VSNL1: variants seen among roughly 807,000 people sequenced by gnomAD.
VSNL1 encodes the protein visinin-like protein 1.
A neutral mutation model predicts 20.4 loss-of-function variants in VSNL1; 6 were observed. The observed-to-expected ratio is 0.29, with a 90% CI of 0.16 to 0.58. VSNL1 has a LOEUF of 0.58. Ranked by LOEUF, VSNL1 falls within the 20% of genes least tolerant of loss-of-function variation. The pLI, the probability that VSNL1 is intolerant of heterozygous loss-of-function variation, is 0.90. For missense variants in VSNL1, 100 were observed against 234.5 expected (o/e 0.43, Z 3.75); for synonymous variants, 93 against 86.4 (o/e 1.08, Z -0.42).
In VSNL1 at chr2:17,634,320, C is replaced by T. The variant is rs1572213015; in HGVS notation, c.163-15090C>T. ...TTCTTAATAATTTTTAAAGAGGAAGCCCTACATTTTCCTTTTGCACTGAGC... is the reference window on the plus strand; with the variant it reads ...TTCTTAATAATTTTTAAAGAGGAAGTCCTACATTTTCCTTTTGCACTGAGC... On this transcript the variant is annotated intron_variant, in intron 2 of 3. Coordinates refer to ENST00000295156, the MANE Select transcript of VSNL1 (RefSeq NM_003385.5). The surrounding 1 kb of genome is among the most constrained non-coding windows in gnomAD (Gnocchi z 4.3). Among the ~76,000 whole-genome samples, 1 of 152,156 alleles carries T rather than the reference C, an allele frequency of 6.6e-6. No homozygotes were observed. The highest frequency in any genetic ancestry group is 1.9e-4 in the East Asian group (1 of 5,194).
At chr2:17,596,474 A>G (rs1292250442) in intron 2 of VSNL1, among the ~76,000 whole-genome samples, 3 of 152,212 alleles carry the variant, frequency 2.0e-5, no homozygotes, top group Non-Finnish European at 4.4e-5. Flanking sequence ...TAATGAGAAA[A>G]TCAACCCAGG....
intron 1 of VSNL1, among the ~76,000 whole-genome samples, chr2:17,587,753 G>A (rs920567594): frequency 7.9e-5 from 12 of 151,908 alleles, no homozygotes; most frequent in Non-Finnish European, 1.3e-4. Flanking sequence ...GTTTAGCTAG[G>A]GTAAATTACT....
intron 1 of VSNL1, among the ~76,000 whole-genome samples, chr2:17,591,683 T>C (rs778512036): frequency 6.6e-6 from 1 of 152,142 alleles, no homozygotes; most frequent in Non-Finnish European, 1.5e-5. Flanking sequence ...AGTATCCCAT[T>C]AAACTAAATG....
chr2:17,559,958 A>G (rs1663775443), intron 1 of VSNL1, among the ~76,000 whole-genome samples: 2 of 152,000 alleles, frequency 1.3e-5, no homozygotes, highest in African/African-American at 4.8e-5. Context: ...AACAAAAATT[A>G]GTAAAAACTG....
intron 1 of VSNL1, among the ~76,000 whole-genome samples, chr2:17,575,102 A>G (rs774739432): frequency 1.3e-5 from 2 of 152,172 alleles, no homozygotes; most frequent in Non-Finnish European, 2.9e-5. Flanking sequence ...TGCTGGGATT[A>G]CAGGCATGAG....
chr2:17,563,044 A>T (rs1663855273), intron 1 of VSNL1, among the ~76,000 whole-genome samples: 1 of 152,196 alleles, frequency 6.6e-6, no homozygotes, highest in Admixed American at 6.5e-5. Context: ...AACTTGAAGT[A>T]TGAATAGAGC....
intron 2 of VSNL1, among the ~76,000 whole-genome samples, chr2:17,611,006 G>GCTACTATGTGTTTATTA (rs1424289195): frequency 3.3e-5 from 5 of 152,232 alleles, no homozygotes; most frequent in Non-Finnish European, 7.3e-5. Flanking sequence ...TGTTTATTGA[G>GCTACTATGTGTTTATTA]ACCCTACTAT....
intron 1 of VSNL1, chr2:17,541,523 A>G (rs1437207976): frequency 6.6e-6 from 1 of 151,890 alleles, no homozygotes; most frequent in Non-Finnish European, 1.5e-5. Flanking sequence ...ACAATGGTGA[A>G]TGGGCAGAAA....
chr2:17,584,044 A>G (rs1664411064), intron 1 of VSNL1, among the ~76,000 whole-genome samples: 1 of 152,174 alleles, frequency 6.6e-6, no homozygotes, highest in South Asian at 2.1e-4. Context: ...CCTTTGAGCA[A>G]ATAACATTAT....
rs931016618 is a variant in VSNL1, at chr2:17,558,413, A to C, written c.-6+17495A>C. On this transcript the variant is annotated intron_variant, in intron 1 of 3. Coordinates refer to ENST00000295156, the MANE Select transcript of VSNL1 (RefSeq NM_003385.5). ...AGGTGTCATTTGATGCCTGGCCTTT[A>C]AAGTAGTAGAAATCTGGTGGGTTTT... Among the ~76,000 whole-genome samples the C allele has an allele frequency of 2.0e-5, 3 of 152,210 alleles. No individual in the cohort carries two copies. The South Asian group carries it at 6.2e-4, about 31-fold the overall frequency.
intron 2 of VSNL1, among the ~76,000 whole-genome samples, chr2:17,592,971 T>C (rs992323519): frequency 3.9e-5 from 6 of 152,324 alleles, no homozygotes; most frequent in African/African-American, 9.6e-5. Flanking sequence ...TGTATACTTA[T>C]GTAATGTTAC....
At chr2:17,609,076 A>G (rs755415714) in intron 2 of VSNL1, among the ~76,000 whole-genome samples, 2 of 151,390 alleles carry the variant, frequency 1.3e-5, no homozygotes, top group African/African-American at 2.4e-5. Flanking sequence ...AGAGACTCAC[A>G]TGGTGTCGAC....
chr2:17,580,381 A>G (rs1664323439), intron 1 of VSNL1, among the ~76,000 whole-genome samples: 1 of 152,174 alleles, frequency 6.6e-6, no homozygotes, highest in Non-Finnish European at 1.5e-5. Flanking sequence ...GGTAAAACCC[A>G]CCATTCTGGG....
intron 2 of VSNL1, among the ~76,000 whole-genome samples, chr2:17,624,602 G>A (rs1368955391): frequency 3.3e-5 from 5 of 152,138 alleles, no homozygotes; most frequent in African/African-American, 1.2e-4. Flanking sequence ...GACTCAATGT[G>A]AGGATTCCGT....
At chr2:17,595,837 A>G (rs888192888) in intron 2 of VSNL1, among the ~76,000 whole-genome samples, 15 of 152,314 alleles carry the variant, frequency 9.8e-5, no homozygotes, top group Non-Finnish European at 1.9e-4. Flanking sequence ...TTTATTGGTA[A>G]TCCTATAAAG....
At chr2:17,577,731 C>G (rs939316866) in intron 1 of VSNL1, among the ~76,000 whole-genome samples, 2 of 152,094 alleles carry the variant, frequency 1.3e-5, no homozygotes, top group African/African-American at 4.8e-5. Context: ...CCCCAGAGTT[C>G]CCTCACTTGG....
chr2:17,599,778 G>A (rs570652553), intron 2 of VSNL1, among the ~76,000 whole-genome samples: 1 of 152,356 alleles, frequency 6.6e-6, no homozygotes, highest in South Asian at 2.1e-4. Context: ...AGACTTGGCT[G>A]AGGTTACAAA....
chr2:17,618,124 C>T (rs1282314688), intron 2 of VSNL1, among the ~76,000 whole-genome samples: 3 of 152,184 alleles, frequency 2.0e-5, no homozygotes, highest in African/African-American at 7.2e-5. Flanking sequence ...ATGTTGCTGT[C>T]TGTGCTCAAG....
chr2:17,627,986 C>G (rs1665549542), intron 2 of VSNL1, among the ~76,000 whole-genome samples: 1 of 152,228 alleles, frequency 6.6e-6, no homozygotes, highest in Non-Finnish European at 1.5e-5. Flanking sequence ...AAGATGGGGT[C>G]AGTTAGGTCT....
Sources: allele counts gnomAD v4.1 joint callset (sites outside exome capture counted in the v4.1 genomes callset), GRCh38; gene constraint gnomAD v4.1.1; non-coding constraint Gnocchi (gnomAD v3.1); transcripts MANE v1.5; gene names NCBI Gene and HGNC (gene_info 2026-07-23, HGNC 2026-07-21).